CADPS2: variants seen among roughly 807,000 people sequenced by gnomAD.
CADPS2 encodes calcium-dependent secretion activator 2.
Under a neutral mutation model 172.5 loss-of-function variants are expected in CADPS2, and 93 were observed. The observed-to-expected ratio is 0.54, with a 90% CI of 0.46 to 0.64. The LOEUF is 0.64. Among genes scored for constraint, CADPS2 ranks in the 30% least tolerant of loss-of-function variants. The probability of loss-of-function intolerance (pLI) is 0.00; values close to 1 mark genes in which losing one functional copy is unlikely to be tolerated. For synonymous variants in CADPS2, 546 were observed against 555.2 expected (o/e 0.98, Z 0.23); for missense variants, 1,420 against 1,565.9 (o/e 0.91, Z 1.57).
intron 2 of CADPS2, among the ~76,000 whole-genome samples, chr7:122,717,650 G>A (rs978229676): frequency 5.9e-5 from 9 of 152,062 alleles, no homozygotes; most frequent in South Asian, 2.1e-4. Flanking sequence ...TGCAGCAACC[G>A]AAATCTTTCC....
Position 122,564,662 on chromosome 7 carries a change from A to G in CADPS2, c.1336-9973T>C, listed in dbSNP as rs78492252. Among the ~76,000 whole-genome samples the G allele has an allele frequency of 7.4e-3, 1,121 of 152,252 alleles. 10 individuals carry two copies. The highest frequency in any genetic ancestry group is 0.017 in the Middle Eastern group (5 of 294). On this transcript the variant is annotated intron_variant, in intron 7 of 29. Transcript: ENST00000449022. ...TATCATTAGATCCAGCAATCCCACT[A>G]CTAAGTACCCAAAGTAAAAGAAATC...
chr7:122,719,029 G>A (rs1033142345), intron 2 of CADPS2, among the ~76,000 whole-genome samples: 2 of 152,088 alleles, frequency 1.3e-5, no homozygotes, highest in Non-Finnish European at 2.9e-5. Flanking sequence ...TTTTGAGGAA[G>A]TGAGTAAAGG....
chr7:122,366,553 C>T (rs907231956), intron 25 of CADPS2, among the ~76,000 whole-genome samples: 3 of 149,104 alleles, frequency 2.0e-5, no homozygotes, highest in African/African-American at 4.9e-5. Flanking sequence ...TGAAGTGAGT[C>T]GAGATTGCGC....
chr7:122,436,450 G>A (rs2050655746), intron 17 of CADPS2: 1 of 829,350 alleles, frequency 1.2e-6, no homozygotes, highest in Non-Finnish European at 1.7e-6. Flanking sequence ...AATGTAAAAG[G>A]CCACTTTCTA....
chr7:122,757,374 T>A (rs2093208318), intron 1 of CADPS2, among the ~76,000 whole-genome samples: 2 of 152,032 alleles, frequency 1.3e-5, no homozygotes, highest in Admixed American at 6.6e-5. Flanking sequence ...GTCTCAAACT[T>A]CCTGGCTCAA....
intron 20 of CADPS2, among the ~76,000 whole-genome samples, chr7:122,397,555 C>T (rs1340158412): frequency 2.0e-5 from 3 of 151,976 alleles, no homozygotes; most frequent in East Asian, 3.9e-4. Flanking sequence ...AGACAAGCTA[C>T]AGAAATACAC....
chr7:122,623,154 A>G (rs969878597), intron 4 of CADPS2, among the ~76,000 whole-genome samples: 5 of 151,960 alleles, frequency 3.3e-5, no homozygotes, highest in African/African-American at 1.2e-4. Flanking sequence ...TACAGTTTGA[A>G]GCAACATTCC....
At chr7:122,428,664 T>C (rs1274411825) in intron 17 of CADPS2, among the ~76,000 whole-genome samples, 1 of 151,958 alleles carries the variant, frequency 6.6e-6, no homozygotes, top group Non-Finnish European at 1.5e-5. Context: ...AGATGGGGTT[T>C]CTCCATGTTG....
chr7:122,408,897 A>G (rs553235919), intron 19 of CADPS2, among the ~76,000 whole-genome samples: 3 of 152,338 alleles, frequency 2.0e-5, no homozygotes, highest in African/African-American at 7.2e-5. Context: ...ATCAGTAACT[A>G]AAAAGATTGC....
At chr7:122,796,245 G>T (rs903966345) in intron 1 of CADPS2, among the ~76,000 whole-genome samples, 1 of 152,166 alleles carries the variant, frequency 6.6e-6, no homozygotes, top group African/African-American at 2.4e-5. Context: ...CCATGCTCAT[G>T]GATAGGAAGA....
intron 1 of CADPS2, among the ~76,000 whole-genome samples, chr7:122,756,826 GGAGGCA>G (rs554579697): frequency 1.5e-3 from 229 of 152,164 alleles, no homozygotes; most frequent in African/African-American, 5.2e-3. Context: ...CTTGAACCTG[GGAGGCA>G]GAGGTTGCAG....
intron 1 of CADPS2, among the ~76,000 whole-genome samples, chr7:122,759,343 C>T (rs149908578): frequency 1.3e-5 from 2 of 152,100 alleles, no homozygotes; most frequent in African/African-American, 4.8e-5. Flanking sequence ...CAGCAAAAGG[C>T]AGAGTTAAAG....
chr7:122,402,809 A>G (rs1271400354), intron 20 of CADPS2, among the ~76,000 whole-genome samples: 2 of 152,206 alleles, frequency 1.3e-5, no homozygotes, highest in African/African-American at 4.8e-5. Flanking sequence ...GTAAGCAAGC[A>G]CTGTTTTTCA....
chr7:122,745,013 C>T (rs1000944991), intron 1 of CADPS2, among the ~76,000 whole-genome samples: 6 of 150,836 alleles, frequency 4.0e-5, no homozygotes, highest in South Asian at 2.1e-4. Flanking sequence ...CAAGTAAAAA[C>T]GTAAACATTT....
At chr7:122,771,903 C>T (rs1322515882) in intron 1 of CADPS2, among the ~76,000 whole-genome samples, 1 of 152,136 alleles carries the variant, frequency 6.6e-6, no homozygotes, top group Admixed American at 6.6e-5. Context: ...TTAACTTTAA[C>T]AATTGAACTG....
rs35346695 is a variant in CADPS2 at position 122,710,082 on chromosome 7, C to CAA, written c.453+26871_453+26872dup. Among the ~76,000 whole-genome samples the CAA allele has an allele frequency of 8.4e-4, 118 of 140,522 alleles. 2 individuals are homozygous for CAA. The highest frequency in any genetic ancestry group is 7.8e-3 in the East Asian group (37 of 4,732). The allele number at this position is 140,522 out of a possible 152,430, so 92.2% of individuals were successfully genotyped here. On this transcript the variant is annotated intron_variant, in intron 2 of 29. Coordinates refer to ENST00000449022, the MANE Select transcript of CADPS2 (RefSeq NM_017954.11). ...AAAAAAAAATGACCTTCTGCCAACCCAAAAAAAAAAAAATCTTCCTAAGCC... is the reference window on the plus strand; with the variant it reads ...AAAAAAAAATGACCTTCTGCCAACCCAAAAAAAAAAAAAAATCTTCCTAAGCC...
chr7:122,581,383 A>C (rs960737965), intron 6 of CADPS2, 93 bp from the exon 7 acceptor site: 2 of 907,420 alleles, frequency 2.2e-6, no homozygotes, highest in African/African-American at 1.7e-5. Context: ...TAAATACAGA[A>C]TCTTCTGTGC....
At chr7:122,617,510 T>G (rs928417833) in intron 5 of CADPS2, among the ~76,000 whole-genome samples, 1 of 152,152 alleles carries the variant, frequency 6.6e-6, no homozygotes, top group Non-Finnish European at 1.5e-5. Flanking sequence ...GCTGATGTCA[T>G]AAGCATAAAA....
rs1179484590 is a variant in CADPS2 at position 122,810,607 on chromosome 7, G to C, written c.340-73539C>G. 2.1e-4 allele frequency among the ~76,000 whole-genome samples: 32 copies of C among 152,112 alleles called. 1 individual carries two copies. Among genetic ancestry groups the C allele is most frequent in the Admixed American group, 2.1e-3 (32 of 15,262 alleles). On this transcript the variant is annotated intron_variant, in intron 1 of 29. Transcript: ENST00000449022. Reference sequence around the variant, plus strand: ...TATGTAATAATGTAATAATGTTTAAGAAAGCAATATAACCATTTATTCGCA... The same window carrying C: ...TATGTAATAATGTAATAATGTTTAACAAAGCAATATAACCATTTATTCGCA...
Sources: allele counts gnomAD v4.1 joint callset (sites outside exome capture counted in the v4.1 genomes callset), GRCh38; gene constraint gnomAD v4.1.1; transcripts MANE v1.5; gene names NCBI Gene and HGNC (gene_info 2026-07-23, HGNC 2026-07-21).